STXBP5L: variants seen among roughly 807,000 people sequenced by gnomAD.
STXBP5L encodes syntaxin binding protein 5L.
In STXBP5L, 65 loss-of-function variants were observed where a neutral mutation model predicts 144.5. That is an observed-to-expected ratio of 0.45 (90% CI 0.37 to 0.55). STXBP5L has a LOEUF of 0.55. Ranked by LOEUF, STXBP5L falls within the 20% of genes least tolerant of loss-of-function variation. The pLI, the probability that STXBP5L is intolerant of heterozygous loss-of-function variation, is 0.00. For synonymous variants in STXBP5L, 505 were observed against 469.6 expected (o/e 1.08, Z -0.97); for missense variants, 1,298 against 1,405.5 (o/e 0.92, Z 1.22).
intron 20 of STXBP5L, among the ~76,000 whole-genome samples, chr3:121,319,815 C>T (rs2043910227): frequency 6.6e-6 from 1 of 152,086 alleles, no homozygotes; most frequent in African/African-American, 2.4e-5. Flanking sequence ...ACATACGTAA[C>T]TTCAAATTTT....
intron 9 of STXBP5L, among the ~76,000 whole-genome samples, chr3:121,159,668 C>T (rs1345182525): frequency 3.1e-5 from 4 of 128,116 alleles, no homozygotes; most frequent in Admixed American, 1.8e-4. Context: ...CTCGCTCTTT[C>T]GCCCAGGCTG....
In STXBP5L at chr3:121,044,943, T is replaced by A. The variant is rs779575425; in HGVS notation, c.370-492T>A. ...AGCTTCTTGGACTATAAGAAGCAAA[T>A]TAAATTATACCAAATATACTTTTTA... On this transcript the variant is annotated intron_variant, in intron 4 of 26. Transcript: ENST00000471454. Among the ~76,000 whole-genome samples the A allele has an allele frequency of 2.0e-5, 3 of 152,152 alleles. No individual in the cohort carries two copies. In the East Asian group the frequency reaches 5.8e-4, roughly 29 times the overall value.
chr3:121,217,310 C>T (rs796689903), intron 10 of STXBP5L, among the ~76,000 whole-genome samples: 5 of 152,230 alleles, frequency 3.3e-5, no homozygotes, highest in African/African-American at 1.2e-4. Context: ...GCCCTGATGA[C>T]GTAGGCACTG....
intron 6 of STXBP5L, among the ~76,000 whole-genome samples, chr3:121,115,479 TA>T (rs1268730162): frequency 6.6e-6 from 1 of 152,152 alleles, no homozygotes; most frequent in Admixed American, 6.6e-5. Context: ...AGGGCTCAAA[TA>T]TCTTTTAGGT....
chr3:121,000,407 G>A (rs887797764), intron 3 of STXBP5L, among the ~76,000 whole-genome samples: 1 of 152,008 alleles, frequency 6.6e-6, no homozygotes, highest in African/African-American at 2.4e-5. Context: ...TCTGCTGTTA[G>A]TATTTCCAAT....
At chr3:121,043,141 A>G (rs1947275247) in intron 4 of STXBP5L, among the ~76,000 whole-genome samples, 1 of 152,022 alleles carries the variant, frequency 6.6e-6, no homozygotes, top group African/African-American at 2.4e-5. Context: ...CACCTCATTT[A>G]TCCTGAACTA....
intron 3 of STXBP5L, among the ~76,000 whole-genome samples, chr3:120,985,307 G>T (rs1214289778): frequency 6.6e-6 from 1 of 151,990 alleles, no homozygotes; most frequent in Admixed American, 6.6e-5. Context: ...GTCAGGAGAT[G>T]TCTTTTGTAT....
At chr3:121,154,941 C>G (rs927315559) in intron 8 of STXBP5L, among the ~76,000 whole-genome samples, 2 of 151,810 alleles carry the variant, frequency 1.3e-5, no homozygotes, top group Non-Finnish European at 3.0e-5. Context: ...TATATTGTCT[C>G]ATTTATTTCC....
intron 5 of STXBP5L, among the ~76,000 whole-genome samples, chr3:121,050,649 A>G (rs1947898482): frequency 6.6e-6 from 1 of 152,202 alleles, no homozygotes; most frequent in Non-Finnish European, 1.5e-5. Flanking sequence ...TGTAAAGACC[A>G]TCAAGGCTAG....
chr3:121,076,564 G>A (rs1046391860), intron 5 of STXBP5L, among the ~76,000 whole-genome samples: 2 of 152,110 alleles, frequency 1.3e-5, no homozygotes, highest in South Asian at 4.2e-4. Context: ...GCCAGGAGTC[G>A]ATATGTGGAA....
chr3:121,276,815 T>C (rs1172315153), intron 18 of STXBP5L, among the ~76,000 whole-genome samples: 1 of 151,928 alleles, frequency 6.6e-6, no homozygotes, highest in African/African-American at 2.4e-5. Flanking sequence ...ATGATGCCTT[T>C]TTGTTTTTCT....
chr3:121,167,016 A>T (rs750104648), intron 9 of STXBP5L, among the ~76,000 whole-genome samples: 21 of 152,160 alleles, frequency 1.4e-4, no homozygotes, highest in Admixed American at 9.8e-4. Context: ...GCCTAAAAAT[A>T]TGCCAGACTA....
At chr3:121,014,048 A>T (rs914003309) in intron 3 of STXBP5L, among the ~76,000 whole-genome samples, 1 of 151,720 alleles carries the variant, frequency 6.6e-6, no homozygotes, top group Admixed American at 6.6e-5. Context: ...TAGCCTTGCC[A>T]TATAGTTTGA....
At chr3:121,052,235 G>T (rs929253764) in intron 5 of STXBP5L, among the ~76,000 whole-genome samples, 3 of 152,130 alleles carry the variant, frequency 2.0e-5, no homozygotes. Context: ...ATTTTATGAG[G>T]CCCGCATCAT....
intron 9 of STXBP5L, among the ~76,000 whole-genome samples, chr3:121,181,400 G>A (rs2047146744): frequency 8.7e-6 from 1 of 114,384 alleles, no homozygotes; most frequent in Non-Finnish European, 2.0e-5. Flanking sequence ...AATGGCCTAA[G>A]GGCCCCACTT....
At chr3:120,991,386 C>T (rs1408800716) in intron 3 of STXBP5L, among the ~76,000 whole-genome samples, 1 of 151,760 alleles carries the variant, frequency 6.6e-6, no homozygotes, top group East Asian at 1.9e-4. Flanking sequence ...GGTGGTGGGA[C>T]TGTAAACTAG....
chr3:120,977,948 C>T (rs1941276133), intron 3 of STXBP5L, among the ~76,000 whole-genome samples: 1 of 152,186 alleles, frequency 6.6e-6, no homozygotes, highest in South Asian at 2.1e-4. Context: ...TTGTGGGTAA[C>T]CCGACCTTTG....
intron 5 of STXBP5L, among the ~76,000 whole-genome samples, chr3:121,089,015 C>T (rs1229263045): frequency 9.4e-6 from 1 of 106,530 alleles, no homozygotes; most frequent in Non-Finnish European, 1.8e-5. Flanking sequence ...GTGGGTGCAG[C>T]ACACCAGCAT....
At chr3:121,230,262 A>G (rs1255327198) in intron 11 of STXBP5L, among the ~76,000 whole-genome samples, 2 of 152,212 alleles carry the variant, frequency 1.3e-5, no homozygotes, top group African/African-American at 2.4e-5. Context: ...CAAATAATTC[A>G]GAGGACACAG....
Sources: allele counts gnomAD v4.1 joint callset (sites outside exome capture counted in the v4.1 genomes callset), GRCh38; gene constraint gnomAD v4.1.1; transcripts MANE v1.5; gene names NCBI Gene and HGNC (gene_info 2026-07-23, HGNC 2026-07-21).